The following TMPRSS7 variants were observed in gnomAD, a reference collection of about 807,000 sequenced individuals.
TMPRSS7 encodes transmembrane serine protease 7.
TMPRSS7 carries 81 observed loss-of-function variants against 95.6 expected under a neutral mutation model. That is an observed-to-expected ratio of 0.85 (90% CI 0.71 to 1.02). The LOEUF (loss-of-function observed/expected upper bound fraction) is 1.02, where lower values mean the gene tolerates loss of function less well. Ranked by LOEUF, TMPRSS7 falls within the 50% of genes least tolerant of loss-of-function variation. The pLI is 0.00. For synonymous variants in TMPRSS7, 364 were observed against 337.8 expected, an observed-to-expected ratio of 1.08 and a Z score of -0.85; for missense variants, 945 against 955.2, an observed-to-expected ratio of 0.99 and a Z score of 0.14.
intron 3 of TMPRSS7, chr3:112,042,868 T>C (rs2107737418): frequency 2.7e-6 from 1 of 375,110 alleles, no homozygotes; most frequent in Non-Finnish European, 5.4e-6. Flanking sequence ...TATCTATTCA[T>C]GGCTCTTGGC....
rs1253444168 is a variant in TMPRSS7, at chr3:112,044,245, T to C, written c.430-10T>C. 6.5e-7 allele frequency: 1 copy of C among 1,542,662 alleles called. No individual in the cohort carries two copies. Among genetic ancestry groups the C allele is most frequent in the Admixed American group, 2.0e-5 (1 of 50,986 alleles). On this transcript the variant is annotated splice_polypyrimidine_tract_variant and intron_variant, in intron 3 of 17. Transcript: ENST00000452346. The stretch of plus-strand genomic sequence containing the variant: ...GAAATACTTCAGATACCTCAACTAT[T>C]CTTTTTCAGATAAACCTGGTTTATA...
intron 5 of TMPRSS7, 21 bp downstream of exon 5, chr3:112,045,964 C>G: frequency 1.3e-6 from 2 of 1,536,026 alleles, no homozygotes; most frequent in South Asian, 2.4e-5. Context: ...GGTAATTTTC[C>G]TTTAGCATTC....
chr3:112,070,351 G>C (rs1309749378), intron 13 of TMPRSS7, among the ~76,000 whole-genome samples: 1 of 152,110 alleles, frequency 6.6e-6, no homozygotes, highest in South Asian at 2.1e-4. Context: ...AGGTCCACTT[G>C]GTGCAGAGCT....
chr3:112,080,551 CACTACTACTACTACTACTATT>C (rs1421394505), intron 17 of TMPRSS7, among the ~76,000 whole-genome samples: 42 of 115,226 alleles, frequency 3.6e-4, no homozygotes, highest in East Asian at 2.0e-3. Flanking sequence ...CTACTACCAC[CACTACTACTACTACTACTATT>C]ACCACCACCA....
intron 16 of TMPRSS7, among the ~76,000 whole-genome samples, chr3:112,078,266 G>A (rs1419260022): frequency 1.3e-5 from 2 of 152,156 alleles, no homozygotes; most frequent in African/African-American, 2.4e-5. Context: ...GTATGTGTGT[G>A]TACACTTATT....
chr3:112,055,164 A>G (rs993450717), intron 9 of TMPRSS7, among the ~76,000 whole-genome samples: 1 of 152,032 alleles, frequency 6.6e-6, no homozygotes, highest in South Asian at 2.1e-4. Context: ...TGAGCCCCCC[A>G]TGTTGGTATC....
intron 10 of TMPRSS7, among the ~76,000 whole-genome samples, chr3:112,060,530 T>A (rs983767515): frequency 6.6e-6 from 1 of 152,180 alleles, no homozygotes; most frequent in Non-Finnish European, 1.5e-5. Context: ...GAAAAAGAAT[T>A]CAGTGATATT....
At chr3:112,049,393 G>A (rs1171979206) in intron 7 of TMPRSS7, among the ~76,000 whole-genome samples, 1 of 152,146 alleles carries the variant, frequency 6.6e-6, no homozygotes, top group Non-Finnish European at 1.5e-5. Context: ...AAATGCCAAG[G>A]ACCTGGACAA....
chr3:112,054,826 G>A (rs1033082298), intron 9 of TMPRSS7, among the ~76,000 whole-genome samples: 2 of 126,946 alleles, frequency 1.6e-5, no homozygotes, highest in African/African-American at 3.0e-5. Flanking sequence ...TGCAAGCTCC[G>A]CCTCCCAGGT....
downstream of TMPRSS7, chr3:112,081,198 C>G (rs1379233417): frequency 1.0e-6 from 1 of 991,370 alleles, no homozygotes; most frequent in East Asian, 3.0e-5. Flanking sequence ...GTTGGGAGGC[C>G]GAGGCGGGCA....
rs1576100330 is a variant in TMPRSS7 at position 112,046,037 on chromosome 3, T to C, written c.691+94T>C. 9 of 1,128,674 alleles carry C rather than the reference T, an allele frequency of 8.0e-6. No homozygotes were observed. The East Asian group carries it at 2.1e-4, about 26-fold the overall frequency. 69.9% of individuals were successfully genotyped at this position (1,128,674 alleles called of 1,614,324 possible). A position where few individuals can be genotyped will look rare whatever the true frequency, so the allele number is the denominator to read the frequency against. On this transcript the variant is annotated intron_variant, in intron 5 of 17. Coordinates refer to ENST00000452346, the Ensembl canonical transcript of TMPRSS7. Reference sequence around the variant, plus strand: ...TCAACATTGTAATGAAGCATTACAATGTGGGATTACCCCACAATCCCAGTG... The same window carrying C: ...TCAACATTGTAATGAAGCATTACAACGTGGGATTACCCCACAATCCCAGTG...
chr3:112,037,819 C>A (rs1342522474), intron 1 of TMPRSS7, among the ~76,000 whole-genome samples: 1 of 152,166 alleles, frequency 6.6e-6, no homozygotes, highest in African/African-American at 2.4e-5. Context: ...ATATCGGGGG[C>A]TGGTTCCCCC....
At chr3:112,052,904 T>TG (rs554445209) in intron 9 of TMPRSS7, among the ~76,000 whole-genome samples, 1 of 148,712 alleles carries the variant, frequency 6.7e-6, no homozygotes, top group African/African-American at 2.5e-5. Context: ...TGCTAGGGGT[T>TG]GGGGGTGAGA....
In TMPRSS7 at chr3:112,044,328, G is replaced by C; in HGVS notation, c.497+6G>C. 6.5e-7 allele frequency: 1 copy of C among 1,549,800 alleles called. No homozygotes were observed. The highest frequency in any genetic ancestry group is 8.7e-7 in the Non-Finnish European group (1 of 1,145,470). On this transcript the variant is annotated splice_donor_region_variant and intron_variant, in intron 4 of 17. Transcript: ENST00000452346. ...TCTGTTGTTGCAGATGTCAGGTAAT[G>C]CATGTCCCTTGTTTTGAGATTTCTG...
At chr3:112,044,363 TTCTAAAG>T in intron 4 of TMPRSS7, 41 bp downstream of exon 4, 1 of 1,489,764 alleles carries the variant, frequency 6.7e-7, no homozygotes, top group South Asian at 1.2e-5. Flanking sequence ...GTGTTCATTG[TTCTAAAG>T]TCCATTCAAG....
chr3:112,061,995 G>A (rs752129986), intron 11 of TMPRSS7, 72 bp downstream of exon 11: 249 of 1,263,406 alleles, frequency 2.0e-4, no homozygotes, highest in African/African-American at 9.0e-4. Flanking sequence ...ATTCCAAACC[G>A]TGAGAATTTA....
In TMPRSS7 at chr3:112,050,801, G is replaced by C. The variant is rs750323326; in HGVS notation, c.1203+18G>C. ...AATTTCAGGTAGCCTAGTTCTACCA[G>C]TGTCTTAGAAAAATATTACTGCTCT... On this transcript the variant is annotated intron_variant, in intron 9 of 17. Coordinates refer to ENST00000452346, the Ensembl canonical transcript of TMPRSS7. The C allele has an allele frequency of 5.6e-6, 8 of 1,416,244 alleles. No homozygotes were observed. In the South Asian group the frequency reaches 1.0e-4, roughly 18 times the overall value. 87.7% of individuals were successfully genotyped at this position (1,416,244 alleles called of 1,614,324 possible). A position where few individuals can be genotyped will look rare whatever the true frequency, so the allele number is the denominator to read the frequency against.
intron 12 of TMPRSS7, among the ~76,000 whole-genome samples, chr3:112,064,492 G>A (rs937795663): frequency 2.6e-5 from 4 of 152,010 alleles, no homozygotes; most frequent in Non-Finnish European, 5.9e-5. Flanking sequence ...GGGACTACAG[G>A]TGTGCACCAC....
chr3:112,052,752 G>T (rs1037643595), intron 9 of TMPRSS7, among the ~76,000 whole-genome samples: 3 of 152,186 alleles, frequency 2.0e-5, no homozygotes, highest in East Asian at 1.9e-4. Context: ...ATTCTCAAAA[G>T]CTCTGTCGAA....
Sources: allele counts gnomAD v4.1 joint callset (sites outside exome capture counted in the v4.1 genomes callset), GRCh38; gene constraint gnomAD v4.1.1; transcripts MANE v1.5; gene names NCBI Gene and HGNC (gene_info 2026-07-23, HGNC 2026-07-21).